The following MCM5 variants were observed in gnomAD, a reference collection of about 807,000 sequenced individuals.
MCM5 encodes DNA replication licensing factor MCM5.
A neutral mutation model predicts 79.9 loss-of-function variants in MCM5; 46 were observed. The observed-to-expected ratio is 0.58, with a 90% CI of 0.45 to 0.74. The LOEUF is 0.74. Among genes scored for constraint, MCM5 ranks in the 30% least tolerant of loss-of-function variants. MCM5 has a pLI of 0.00. For missense variants in MCM5, 883 were observed against 1,017.0 expected (o/e 0.87, Z 1.79); for synonymous variants, 404 against 390.5 (o/e 1.03, Z -0.41).
the MCM5 span, among the ~76,000 whole-genome samples, chr22:35,437,598 G>A: frequency 6.6e-6 from 1 of 152,118 alleles, no homozygotes; most frequent in Non-Finnish European, 1.5e-5. Flanking sequence ...AGGGTGGGTC[G>A]GGCTCCTGAC....
rs201750070 is a variant in MCM5 at position 35,419,865 on chromosome 22, T to G, written c.1704-19T>G. On this transcript the variant is annotated intron_variant, in intron 13 of 16. Coordinates refer to ENST00000216122, the MANE Select transcript of MCM5 (RefSeq NM_006739.4). ...AGTCCCTCCTGGCCTCACACCAGCC[T>G]CTCCCCACTGTCCTGCAGGAAGTGT... 11 of 1,597,876 alleles carry G rather than the reference T, an allele frequency of 6.9e-6. No individual in the cohort carries two copies. In the South Asian group the frequency reaches 9.0e-5, roughly 13 times the overall value.
In MCM5 at chr22:35,403,697, GT is replaced by G. The variant is rs1440399376; in HGVS notation, c.423+157del. On this transcript the variant is annotated intron_variant, in intron 4 of 16. Transcript: ENST00000216122. The stretch of plus-strand genomic sequence containing the variant: ...GATCGTTTGTTGTTTTTTGCTTTTT[GT>G]TATGAAAAATTACACACCCAAAAGC... 6.6e-5 allele frequency among the ~76,000 whole-genome samples: 10 copies of G among 152,178 alleles called. No homozygotes were observed. In the East Asian group the frequency reaches 1.9e-3, roughly 29 times the overall value.
chr22:35,436,180 A>G, the MCM5 span, among the ~76,000 whole-genome samples: 18 of 43,586 alleles, frequency 4.1e-4, no homozygotes, highest in East Asian at 3.7e-3. Flanking sequence ...AAAAAAAAAA[A>G]AAAGAAAAAA....
the MCM5 span, among the ~76,000 whole-genome samples, chr22:35,450,122 G>A: frequency 6.6e-6 from 1 of 152,160 alleles, no homozygotes; most frequent in Admixed American, 6.5e-5. Flanking sequence ...TCCTAGGTGA[G>A]CTGTCTGACC....
chr22:35,441,055 C>CAA, the MCM5 span, among the ~76,000 whole-genome samples: 41 of 96,140 alleles, frequency 4.3e-4, no homozygotes, highest in Non-Finnish European at 6.6e-4. Context: ...GAAACTCTGT[C>CAA]AAAAAAAAAA....
At chr22:35,426,364 C>T (rs947539507), downstream of MCM5, among the ~76,000 whole-genome samples, 4 of 152,050 alleles carry the variant, frequency 2.6e-5, no homozygotes, top group East Asian at 5.8e-4. Context: ...AGTTGGGGCT[C>T]GGCTTAGTGG....
chr22:35,438,111 A>G, the MCM5 span, among the ~76,000 whole-genome samples: 1 of 152,144 alleles, frequency 6.6e-6, no homozygotes, highest in South Asian at 2.1e-4. Flanking sequence ...CCCCATCCCT[A>G]CCTTTCAGAC....
At chr22:35,416,590 G>T (rs1932549915) in intron 11 of MCM5, 48 bp from the exon 12 acceptor site, 2 of 1,414,734 alleles carry the variant, frequency 1.4e-6, no homozygotes, top group Non-Finnish European at 2.0e-6. Context: ...TATATAAGAA[G>T]GCATCTTTGC....
At chr22:35,417,179 A>G (rs1932568694) in intron 12 of MCM5, among the ~76,000 whole-genome samples, 1 of 152,222 alleles carries the variant, frequency 6.6e-6, no homozygotes, top group Non-Finnish European at 1.5e-5. Context: ...TGGTTTATAG[A>G]ATTGGTAAGT....
At chr22:35,414,632 AAATAAT>A (rs4645789) in intron 9 of MCM5, among the ~76,000 whole-genome samples, 15 of 151,214 alleles carry the variant, frequency 9.9e-5, no homozygotes, top group African/African-American at 2.2e-4. Context: ...TAATAATAAT[AAATAAT>A]AATAATAATA....
the MCM5 span, among the ~76,000 whole-genome samples, chr22:35,448,169 AT>A: frequency 6.6e-6 from 1 of 152,178 alleles, no homozygotes; most frequent in African/African-American, 2.4e-5. Flanking sequence ...CGGACTCTCT[AT>A]GTCTCAGTTT....
chr22:35,402,541 TG>T (rs1338189809), intron 2 of MCM5, among the ~76,000 whole-genome samples: 1 of 151,416 alleles, frequency 6.6e-6, no homozygotes, highest in African/African-American at 2.4e-5. Flanking sequence ...TCCATGTTGG[TG>T]AGGCTGGTAC....
intron 2 of MCM5, chr22:35,401,926 G>A (rs1283292749): frequency 5.6e-6 from 2 of 354,274 alleles, no homozygotes; most frequent in Non-Finnish European, 1.1e-5. Context: ...GCAATTGCTT[G>A]TGTAGAGGTG....
chr22:35,437,485 T>C, the MCM5 span, among the ~76,000 whole-genome samples: 2 of 152,184 alleles, frequency 1.3e-5, no homozygotes, highest in Non-Finnish European at 2.9e-5. Flanking sequence ...AGAGATGGAA[T>C]GACAGCCTTG....
the MCM5 span, among the ~76,000 whole-genome samples, chr22:35,435,697 G>C: frequency 2.6e-5 from 4 of 152,202 alleles, no homozygotes; most frequent in African/African-American, 9.7e-5. Context: ...CAGGCAGAGG[G>C]AGGGGGAGAC....
chr22:35,408,272 G>A (rs767973534), intron 5 of MCM5, 136 bp from the exon 6 acceptor site: 1 of 719,220 alleles, frequency 1.4e-6, no homozygotes, highest in Non-Finnish European at 2.3e-6. Flanking sequence ...TGCCTGCCTG[G>A]CTTATCTCCA....
downstream of MCM5, among the ~76,000 whole-genome samples, chr22:35,429,640 A>G (rs56953345): frequency 0.13 from 20,269 of 151,626 alleles, 1,428 homozygotes; most frequent in East Asian, 0.15. Context: ...GGTTCAAGCA[A>G]TTCTCCTGCC....
At chr22:35,406,301 C>T (rs553894627) in intron 4 of MCM5, among the ~76,000 whole-genome samples, 2 of 139,140 alleles carry the variant, frequency 1.4e-5, no homozygotes, top group African/African-American at 5.6e-5. Flanking sequence ...CTGCCACCTC[C>T]CCCCCCAATT....
chr22:35,442,962 G>A, the MCM5 span, among the ~76,000 whole-genome samples: 9 of 152,080 alleles, frequency 5.9e-5, no homozygotes, highest in African/African-American at 9.7e-5. Flanking sequence ...CCCTTCTCAC[G>A]GGGTCCTAGC....
Sources: allele counts gnomAD v4.1 joint callset (sites outside exome capture counted in the v4.1 genomes callset), GRCh38; gene constraint gnomAD v4.1.1; transcripts MANE v1.5; gene names NCBI Gene and HGNC (gene_info 2026-07-23, HGNC 2026-07-21).